ZRANB3: variants seen among roughly 807,000 people sequenced by gnomAD.
The protein encoded by ZRANB3 is zinc finger RANBP2-type containing 3.
Under a neutral mutation model 133.8 loss-of-function variants are expected in ZRANB3, and 125 were observed. The observed-to-expected ratio is 0.93, with a 90% CI of 0.81 to 1.08. The LOEUF is 1.08. Ranked by LOEUF, ZRANB3 falls within the 50% of genes least tolerant of loss-of-function variation. ZRANB3 has a pLI of 0.00. For synonymous variants in ZRANB3, 387 were observed against 432.7 expected (o/e 0.89, Z 1.31); for missense variants, 1,229 against 1,275.5 (o/e 0.96, Z 0.56).
chr2:135,239,028 C>T (rs1333519437), intron 12 of ZRANB3, among the ~76,000 whole-genome samples: 1 of 152,240 alleles, frequency 6.6e-6, no homozygotes, highest in East Asian at 1.9e-4. Flanking sequence ...AGAAATAATA[C>T]AAGGCTATTG....
At chr2:135,422,580 T>G (rs1433294872) in intron 2 of ZRANB3, among the ~76,000 whole-genome samples, 1 of 152,038 alleles carries the variant, frequency 6.6e-6, no homozygotes, top group Non-Finnish European at 1.5e-5. Context: ...AGATGAACAC[T>G]TGAAAAGCGC....
chr2:135,526,826 G>C (rs1456272266), intron 1 of ZRANB3, among the ~76,000 whole-genome samples: 1 of 152,130 alleles, frequency 6.6e-6, no homozygotes, highest in Non-Finnish European at 1.5e-5. Flanking sequence ...TCTGAAGTCT[G>C]CTATCTAAGA....
At position 135,207,540 on chromosome 2, in the gene ZRANB3, C is replaced by A; in HGVS notation, c.2903G>T (p.Cys968Phe). 1 of 1,614,040 alleles carries A rather than the reference C, an allele frequency of 6.2e-7. No homozygotes were observed. The highest frequency in any genetic ancestry group is 2.2e-5 in the East Asian group (1 of 44,874). ...AAAGAGTTCTTGTGCGTTCACATTA[C>A]AGAGCTGACACACACCATGTTCAGT... ...FETEHGVCQL[C>F]NVNAQELFLR... The change falls in exon 19 of 21, where the codon TGT becomes TTT. Residue 968 changes from cysteine to phenylalanine, a missense_variant. Physicochemically the swap from Cys to Phe is radical, Grantham distance 205. Transcript: ENST00000264159.
In ZRANB3 at chr2:135,200,148, T is replaced by C. The variant is rs530229337; in HGVS notation, c.*194A>G. ...TCAAAAAGACCACAGAAATATTCAGTATTGTATCTTAGTTTCTGTTAAGTA... is the reference window on the plus strand; with the variant it reads ...TCAAAAAGACCACAGAAATATTCAGCATTGTATCTTAGTTTCTGTTAAGTA... On this transcript the variant is annotated 3_prime_UTR_variant, in exon 21 of 21. Transcript: ENST00000264159. 6 of 654,882 alleles carry C rather than the reference T, an allele frequency of 9.2e-6. No individual in the cohort carries two copies. In the African/African-American group the frequency reaches 1.1e-4, roughly 12 times the overall value. 40.6% of individuals were successfully genotyped at this position (654,882 alleles called of 1,614,324 possible).
intron 6 of ZRANB3, among the ~76,000 whole-genome samples, chr2:135,343,981 A>G (rs1684810250): frequency 7.2e-6 from 1 of 139,682 alleles, no homozygotes; most frequent in Admixed American, 6.7e-5. Flanking sequence ...TAATATAAAA[A>G]TGCACATGCC....
chr2:135,493,127 AT>A (rs1407268822), intron 2 of ZRANB3, among the ~76,000 whole-genome samples: 10 of 30,398 alleles, frequency 3.3e-4, no homozygotes, highest in African/African-American at 2.1e-3. Flanking sequence ...ATATATATAT[AT>A]ATATATATAT....
At chr2:135,459,620 T>C (rs1690678493) in intron 2 of ZRANB3, among the ~76,000 whole-genome samples, 1 of 152,120 alleles carries the variant, frequency 6.6e-6, no homozygotes, top group Non-Finnish European at 1.5e-5. Flanking sequence ...CTGAAAAACA[T>C]AAAGGTCTAA....
At chr2:135,505,406 T>G (rs1038503936) in intron 1 of ZRANB3, among the ~76,000 whole-genome samples, 1 of 152,028 alleles carries the variant, frequency 6.6e-6, no homozygotes, top group African/African-American at 2.4e-5. Flanking sequence ...AAACCCCATA[T>G]CTATTAAAAA....
chr2:135,204,325 G>A (rs1426265122), intron 19 of ZRANB3, among the ~76,000 whole-genome samples: 1 of 151,914 alleles, frequency 6.6e-6, no homozygotes, highest in Non-Finnish European at 1.5e-5. Flanking sequence ...AAATGGCATA[G>A]TCTTAGGGAA....
chr2:135,287,869 T>C (rs1200042477), intron 8 of ZRANB3, among the ~76,000 whole-genome samples: 1 of 152,082 alleles, frequency 6.6e-6, no homozygotes, highest in East Asian at 1.9e-4. Context: ...TACGATCTTA[T>C]CATTGGCAAA....
intron 2 of ZRANB3, among the ~76,000 whole-genome samples, chr2:135,479,501 G>A (rs1201123231): frequency 6.6e-6 from 1 of 152,082 alleles, no homozygotes; most frequent in Non-Finnish European, 1.5e-5. Flanking sequence ...CAGACATGAT[G>A]GCGGGTGCCT....
chr2:135,282,317 C>T (rs941146829), intron 8 of ZRANB3, among the ~76,000 whole-genome samples: 3 of 140,370 alleles, frequency 2.1e-5, no homozygotes, highest in Admixed American at 1.4e-4. Context: ...ACATTGTCTT[C>T]CGGTATCCCT....
rs966635447 is a variant in ZRANB3, at chr2:135,350,149, CAA to C, written c.424_425del (p.Leu142AspfsTer6). The C allele has an allele frequency of 1.2e-6, 2 of 1,612,744 alleles. No homozygotes were observed. Among genetic ancestry groups the C allele is most frequent in the African/African-American group, 1.3e-5 (1 of 74,898 alleles). On this transcript the variant is annotated frameshift_variant, in exon 5 of 21. Transcript: ENST00000264159. LOFTEE classifies it high-confidence loss of function. ...AGTTCTGATTATTCAGTGCATCTAT[CAA>C]AGTCTTTGCATCTGCGGTTAAGAGA... ...YGLLTADAKT[L>X]IDALNNQNFK...
At chr2:135,316,396 C>T (rs1191499988) in intron 6 of ZRANB3, among the ~76,000 whole-genome samples, 1 of 152,070 alleles carries the variant, frequency 6.6e-6, no homozygotes, top group Non-Finnish European at 1.5e-5. Context: ...ATGTGACAAC[C>T]AAAATACCAG....
intron 2 of ZRANB3, among the ~76,000 whole-genome samples, chr2:135,466,313 T>C (rs1574146509): frequency 1.5e-5 from 2 of 129,988 alleles, no homozygotes; most frequent in South Asian, 2.4e-4. Context: ...AACCCGGGAG[T>C]CGGAGGTTGC....
At chr2:135,248,683 A>G (rs1695910755) in intron 12 of ZRANB3, among the ~76,000 whole-genome samples, 1 of 152,198 alleles carries the variant, frequency 6.6e-6, no homozygotes, top group South Asian at 2.1e-4. Context: ...AGATGGGTGG[A>G]TCACCTGAGG....
chr2:135,450,994 G>A (rs531398770), intron 2 of ZRANB3, among the ~76,000 whole-genome samples: 1 of 152,294 alleles, frequency 6.6e-6, no homozygotes, highest in South Asian at 2.1e-4. Context: ...AAGATTTGAG[G>A]GAACAATCTC....
chr2:135,284,600 T>C (rs913155893), intron 8 of ZRANB3, among the ~76,000 whole-genome samples: 1 of 150,964 alleles, frequency 6.6e-6, no homozygotes, highest in Admixed American at 6.6e-5. Flanking sequence ...GCCTCCTGAG[T>C]AGCTGGGACT....
chr2:135,411,109 G>A (rs541101783), intron 2 of ZRANB3, among the ~76,000 whole-genome samples: 1 of 152,134 alleles, frequency 6.6e-6, no homozygotes, highest in Non-Finnish European at 1.5e-5. Context: ...GCGTGATGGT[G>A]CACACCTGTA....
Sources: allele counts gnomAD v4.1 joint callset (sites outside exome capture counted in the v4.1 genomes callset), GRCh38; gene constraint gnomAD v4.1.1; transcripts MANE v1.5; gene names NCBI Gene and HGNC (gene_info 2026-07-23, HGNC 2026-07-21).